The following KIAA1671 variants were observed in gnomAD, a reference collection of about 807,000 sequenced individuals.
The protein encoded by KIAA1671 is uncharacterized protein KIAA1671.
In KIAA1671, 52 loss-of-function variants were observed where a neutral mutation model predicts 131.2. The observed-to-expected ratio is 0.40, with a 90% CI of 0.32 to 0.50. The LOEUF is 0.50. KIAA1671 is among the 20% of genes least tolerant of loss of function. The probability of loss-of-function intolerance (pLI) is 0.73; values close to 1 mark genes in which losing one functional copy is unlikely to be tolerated. For missense variants in KIAA1671, 2,360 were observed against 2,364.2 expected (o/e 1.00, Z 0.04); for synonymous variants, 1,003 against 961.6 (o/e 1.04, Z -0.80).
At chr22:25,076,084 C>T (rs1179389035) in intron 6 of KIAA1671, among the ~76,000 whole-genome samples, 1 of 152,174 alleles carries the variant, frequency 6.6e-6, no homozygotes, top group Admixed American at 6.5e-5. Flanking sequence ...CCTGTCAGTC[C>T]TTATCTTTTT....
At chr22:25,022,063 C>T (rs939603241) in intron 1 of KIAA1671, among the ~76,000 whole-genome samples, 4 of 151,714 alleles carry the variant, frequency 2.6e-5, no homozygotes, top group Admixed American at 1.3e-4. Flanking sequence ...CCTGAGCCAC[C>T]GTGCCTGGCC....
At chr22:25,032,776 C>G in intron 4 of KIAA1671, 80 bp downstream of exon 4, 1 of 836,528 alleles carries the variant, frequency 1.2e-6, no homozygotes, top group Non-Finnish European at 1.9e-6. Flanking sequence ...CCATGATCTT[C>G]TAGGCCCCAG....
intron 6 of KIAA1671, among the ~76,000 whole-genome samples, chr22:25,075,762 A>G (rs1196858361): frequency 2.2e-5 from 3 of 135,226 alleles, no homozygotes; most frequent in African/African-American, 8.6e-5. Flanking sequence ...CACTGCACCC[A>G]GTCATCAGTG....
At chr22:25,003,704 G>T (rs1924593497) in intron 1 of KIAA1671, among the ~76,000 whole-genome samples, 1 of 151,910 alleles carries the variant, frequency 6.6e-6, no homozygotes, top group East Asian at 1.9e-4. Context: ...GAACCACTGC[G>T]CCCGGCCCAC....
chr22:25,086,750 C>T (rs910265278), intron 6 of KIAA1671, among the ~76,000 whole-genome samples: 2 of 152,206 alleles, frequency 1.3e-5, no homozygotes, highest in African/African-American at 4.8e-5. Context: ...ATTTTCTCCA[C>T]ACCAGGCTGG....
At chr22:25,001,711 C>T (rs1432974075) in intron 1 of KIAA1671, among the ~76,000 whole-genome samples, 1 of 152,038 alleles carries the variant, frequency 6.6e-6, no homozygotes, top group Non-Finnish European at 1.5e-5. Flanking sequence ...CTCACGAGTC[C>T]CTGGACCAGA....
intron 6 of KIAA1671, among the ~76,000 whole-genome samples, chr22:25,071,285 G>A (rs1457281843): frequency 6.6e-6 from 1 of 152,184 alleles, no homozygotes; most frequent in Admixed American, 6.5e-5. Flanking sequence ...ATTGCTGAGT[G>A]TTTGCAAATA....
At chr22:25,019,050 T>TTGTGTGTGTGTGTGTGTG (rs377368958) in intron 1 of KIAA1671, among the ~76,000 whole-genome samples, 13 of 144,110 alleles carry the variant, frequency 9.0e-5, no homozygotes, top group African/African-American at 2.9e-4. Context: ...AATAGTTGTT[T>TTGTGTGTGTGTGTGTGTG]TGTGTGTGTG....
chr22:25,068,292 G>A (rs765074371), intron 6 of KIAA1671, among the ~76,000 whole-genome samples: 31 of 151,822 alleles, frequency 2.0e-4, no homozygotes, highest in Non-Finnish European at 4.3e-4. Context: ...GACTTGTCAG[G>A]CAGCGAGCAG....
At chr22:25,152,004 C>G in intron 6 of KIAA1671, among the ~76,000 whole-genome samples, 1 of 152,170 alleles carries the variant, frequency 6.6e-6, no homozygotes, top group South Asian at 2.1e-4. Flanking sequence ...CTCCCAATGA[C>G]ATGGATTCTT....
intron 1 of KIAA1671, among the ~76,000 whole-genome samples, chr22:24,987,762 A>G (rs1401013093): frequency 6.6e-6 from 1 of 152,188 alleles, no homozygotes; most frequent in Non-Finnish European, 1.5e-5. Flanking sequence ...TGGCTAAATG[A>G]CAGCTAGTCT....
intron 6 of KIAA1671, among the ~76,000 whole-genome samples, chr22:25,157,724 G>C (rs1158415758): frequency 6.6e-6 from 1 of 151,644 alleles, no homozygotes; most frequent in Non-Finnish European, 1.5e-5. Flanking sequence ...TTCTCCCTCA[G>C]GATCAGTCTC....
intron 1 of KIAA1671, among the ~76,000 whole-genome samples, chr22:25,001,195 G>GTA (rs1284986637): frequency 1.3e-5 from 2 of 149,798 alleles, no homozygotes; most frequent in East Asian, 2.0e-4. Flanking sequence ...GTGTATATAT[G>GTA]TGTGTATGTG....
At chr22:24,960,654 C>CTTTTTTTTTTT in intron 1 of KIAA1671, among the ~76,000 whole-genome samples, 1 of 71,538 alleles carries the variant, frequency 1.4e-5, no homozygotes, top group Non-Finnish European at 2.5e-5. Context: ...TTTTCAGGTT[C>CTTTTTTTTTTT]TTTTTTTTTT....
Position 25,028,115 on chromosome 22 carries a change from C to G in KIAA1671, c.116C>G (p.Ala39Gly), listed in dbSNP as rs1926052136. The part of the protein sequence containing the change: ...TRTYFLQAGE[A>G]SGAPPARILE... The stretch of plus-strand genomic sequence containing the variant: ...ACCTACTTCCTCCAGGCCGGCGAAG[C>G]CTCTGGGGCTCCCCCAGCCCGGATC... The change falls in exon 3 of 13, where the codon GCC (alanine) becomes GGC (glycine). Residue 39 changes from alanine (A) to glycine (G), a missense_variant. By Grantham distance (60) the Ala-to-Gly change is moderately conservative. This residue lies in a region of KIAA1671 where 1,185 missense variants were observed against 1,126.2 expected (regional missense o/e 1.05). Coordinates refer to ENST00000358431, the MANE Select transcript of KIAA1671 (RefSeq NM_001145206.2). 1 of 1,551,338 alleles carries G rather than the reference C, an allele frequency of 6.4e-7. No individual in the cohort carries two copies. The highest frequency in any genetic ancestry group is 8.7e-7 in the Non-Finnish European group (1 of 1,146,826).
At chr22:24,957,807 A>G (rs1479186100) in intron 1 of KIAA1671, among the ~76,000 whole-genome samples, 1 of 149,274 alleles carries the variant, frequency 6.7e-6, no homozygotes, top group East Asian at 2.0e-4. Context: ...CCTCCCGAGT[A>G]GCTGGGATTA....
intron 4 of KIAA1671, among the ~76,000 whole-genome samples, chr22:25,038,023 C>T (rs892055208): frequency 2.6e-5 from 4 of 152,030 alleles, no homozygotes; most frequent in Non-Finnish European, 4.4e-5. Context: ...TAGTAGAGAA[C>T]GGGGTTTCAC....
At position 25,194,578 on chromosome 22, in the gene KIAA1671, A is replaced by C. The variant is rs1934766691; in HGVS notation, c.*2177A>C. ...AGGATATCAGACAGGAATGAAACAC[A>C]CTTGAAAATGAGATTGACCTGGAGA... On this transcript the variant is annotated 3_prime_UTR_variant, in exon 13 of 13. Coordinates refer to ENST00000358431, the MANE Select transcript of KIAA1671 (RefSeq NM_001145206.2). The C allele has an allele frequency of 6.6e-6, 1 of 152,190 alleles. No individual in the cohort carries two copies. Among genetic ancestry groups the C allele is most frequent in the Non-Finnish European group, 1.5e-5 (1 of 68,024 alleles). The allele number at this position is 152,190 out of a possible 1,614,324, so 9.4% of individuals were successfully genotyped here. A position where few individuals can be genotyped will look rare whatever the true frequency, so the allele number is the denominator to read the frequency against.
intron 1 of KIAA1671, among the ~76,000 whole-genome samples, chr22:24,955,400 T>C (rs1048033681): frequency 6.6e-6 from 1 of 152,116 alleles, no homozygotes; most frequent in Non-Finnish European, 1.5e-5. Flanking sequence ...CCTTTGGCTA[T>C]AAGGAGGGAT....
Sources: allele counts gnomAD v4.1 joint callset (sites outside exome capture counted in the v4.1 genomes callset), GRCh38; gene constraint gnomAD v4.1.1; regional missense constraint gnomAD v4.1.1; transcripts MANE v1.5; gene names NCBI Gene and HGNC (gene_info 2026-07-23, HGNC 2026-07-21).